The following FRAS1 variants were observed in gnomAD, a reference collection of about 807,000 sequenced individuals.
The protein encoded by FRAS1 is Fraser extracellular matrix complex subunit 1.
Under a neutral mutation model 435.2 loss-of-function variants are expected in FRAS1, and 290 were observed. The ratio of observed to expected loss-of-function variants is 0.67; its 90% confidence interval spans 0.61 to 0.73. FRAS1 has a LOEUF of 0.73. FRAS1 is among the 30% of genes least tolerant of loss of function. The pLI is 0.00. For synonymous variants in FRAS1, 1,800 were observed against 1,851.0 expected (o/e 0.97, Z 0.71); for missense variants, 4,860 against 5,001.5 (o/e 0.97, Z 0.85).
At chr4:78,204,575 C>T (rs1233901645) in intron 2 of FRAS1, among the ~76,000 whole-genome samples, 2 of 152,104 alleles carry the variant, frequency 1.3e-5, no homozygotes, top group Non-Finnish European at 2.9e-5. Flanking sequence ...TTTCAAGAAC[C>T]AATGTGAGTG....
At chr4:78,399,995 A>G (rs897257860) in intron 29 of FRAS1, among the ~76,000 whole-genome samples, 1 of 152,154 alleles carries the variant, frequency 6.6e-6, no homozygotes, top group Non-Finnish European at 1.5e-5. Flanking sequence ...TCCATAAGAC[A>G]GTGTCACTTT....
intron 13 of FRAS1, 87 bp downstream of exon 13, chr4:78,284,635 A>G (rs1021515025): frequency 2.4e-6 from 3 of 1,261,840 alleles, no homozygotes; most frequent in Non-Finnish European, 3.3e-6. Context: ...GAGGCTCAGT[A>G]TTGTCAAGGA....
chr4:78,164,843 A>T (rs10222693), intron 2 of FRAS1, among the ~76,000 whole-genome samples: 6,417 of 152,204 alleles, frequency 0.042, 224 homozygotes, highest in Admixed American at 0.081. Flanking sequence ...TCTTTCTCAA[A>T]ACTTCCATCT....
intron 5 of FRAS1, 88 bp downstream of exon 5, chr4:78,252,639 G>C: frequency 8.1e-7 from 1 of 1,241,712 alleles, no homozygotes; most frequent in Non-Finnish European, 1.1e-6. Flanking sequence ...TTTCAACATA[G>C]GTTCTTTCTA....
chr4:78,237,481 T>A (rs1187950725), intron 2 of FRAS1, 29 bp from the exon 3 acceptor site: 3 of 1,533,590 alleles, frequency 2.0e-6, no homozygotes, highest in Non-Finnish European at 1.8e-6. Context: ...CTGATCAGTT[T>A]TTAAATCAGA....
At position 78,264,857 on chromosome 4, in the gene FRAS1, G is replaced by C. The variant is rs1460961412; in HGVS notation, c.604-168G>C. On this transcript the variant is annotated intron_variant, in intron 6 of 73. Coordinates refer to ENST00000512123, the MANE Select transcript of FRAS1 (RefSeq NM_025074.7). ...TTAAGGGCACACTGACCTTGGAATTGTTCATTCTTATCAGAGTCCCAGGTG... is the reference window on the plus strand; with the variant it reads ...TTAAGGGCACACTGACCTTGGAATTCTTCATTCTTATCAGAGTCCCAGGTG... The C allele has an allele frequency of 5.8e-6, 4 of 691,638 alleles. No homozygotes were observed. In the East Asian group the frequency reaches 1.1e-4, roughly 19 times the overall value. 42.8% of individuals were successfully genotyped at this position (691,638 alleles called of 1,614,324 possible).
rs764554228 is a variant in FRAS1 at position 78,518,997 on chromosome 4, G to T, written c.10390-334G>T. ...TCCCACATCCACCGGGTTGATCCTTGAGAATAATTGTGATATTCTCAAATT... is the reference window on the plus strand; with the variant it reads ...TCCCACATCCACCGGGTTGATCCTTTAGAATAATTGTGATATTCTCAAATT... On this transcript the variant is annotated intron_variant, in intron 66 of 73. Transcript: ENST00000512123. Among the ~76,000 whole-genome samples, 17 of 152,266 alleles carry T rather than the reference G, an allele frequency of 1.1e-4. No homozygotes were observed. The Middle Eastern group carries it at 0.01, about 91-fold the overall frequency.
chr4:78,082,532 A>G (rs189640251), intron 2 of FRAS1, among the ~76,000 whole-genome samples: 172 of 152,218 alleles, frequency 1.1e-3, no homozygotes, highest in African/African-American at 3.7e-3. Context: ...TTGGAAATGC[A>G]TCTCTTAATG....
intron 2 of FRAS1, among the ~76,000 whole-genome samples, chr4:78,116,573 A>G (rs911405756): frequency 6.6e-6 from 1 of 152,032 alleles, no homozygotes; most frequent in Non-Finnish European, 1.5e-5. Flanking sequence ...TGATCCCTTT[A>G]CCATTACGTA....
rs1721980931 is a variant in FRAS1, at chr4:78,181,098, T to C, written c.109-56412T>C. The C allele has an allele frequency of 3.8e-6, 6 of 1,561,274 alleles. No homozygotes were observed. The Admixed American group carries it at 8.3e-5, about 22-fold the overall frequency. ...CATAACTGAATCCTCAGCATAAGCCTCTTCACTCTTTGATTTATGAAAACA... is the reference window on the plus strand; with the variant it reads ...CATAACTGAATCCTCAGCATAAGCCCCTTCACTCTTTGATTTATGAAAACA... On this transcript the variant is annotated intron_variant, in intron 2 of 73. Coordinates refer to ENST00000512123, the MANE Select transcript of FRAS1 (RefSeq NM_025074.7).
chr4:78,092,230 G>A (rs1461189393), intron 2 of FRAS1, among the ~76,000 whole-genome samples: 15 of 152,096 alleles, frequency 9.9e-5, no homozygotes, highest in Non-Finnish European at 5.9e-5. Flanking sequence ...TTTAAGCTAC[G>A]CACAACTCAG....
chr4:78,156,291 A>G (rs760772202), intron 2 of FRAS1, among the ~76,000 whole-genome samples: 21 of 152,082 alleles, frequency 1.4e-4, no homozygotes, highest in Non-Finnish European at 2.5e-4. Context: ...CCATATCTGA[A>G]CATGTGTGCT....
intron 19 of FRAS1, among the ~76,000 whole-genome samples, chr4:78,334,373 T>C (rs1208863561): frequency 2.0e-5 from 2 of 100,384 alleles, no homozygotes; most frequent in Non-Finnish European, 2.2e-5. Flanking sequence ...CTTTTTTTTT[T>C]TTTTTTTTTT....
chr4:78,481,766 A>C (rs1720016843), intron 56 of FRAS1, 38 bp from the exon 57 acceptor site: 6 of 1,611,790 alleles, frequency 3.7e-6, no homozygotes, highest in Non-Finnish European at 5.1e-6. Flanking sequence ...TTTCTGGCTC[A>C]AAGTTGACCA....
chr4:78,453,638 T>A (rs966503199), intron 47 of FRAS1, among the ~76,000 whole-genome samples: 4 of 152,092 alleles, frequency 2.6e-5, no homozygotes, highest in African/African-American at 4.8e-5. Context: ...CCGTTTATTT[T>A]CTTTTCTTTT....
At chr4:78,058,464 TA>T (rs1041783381) in intron 1 of FRAS1, among the ~76,000 whole-genome samples, 3 of 152,108 alleles carry the variant, frequency 2.0e-5, no homozygotes, top group African/African-American at 7.2e-5. Context: ...CTTACCTGTT[TA>T]AAAATACTTC....
chr4:78,154,900 C>T (rs1472294059), intron 2 of FRAS1, among the ~76,000 whole-genome samples: 1 of 152,164 alleles, frequency 6.6e-6, no homozygotes, highest in Non-Finnish European at 1.5e-5. Context: ...TGGACCTTCT[C>T]CACTCTGTGG....
At position 78,450,280 on chromosome 4, in the gene FRAS1, T is replaced by C. The variant is rs1294603563; in HGVS notation, c.6404T>C (p.Leu2135Pro). Reference sequence around the variant, plus strand: ...CTGCAGATGATGAAGCATGGCAACCTGGAGCAAATTTCTATTAAAGGCCCC... The same window carrying C: ...CTGCAGATGATGAAGCATGGCAACCCGGAGCAAATTTCTATTAAAGGCCCC... ...GRLQMMKHGNLEQISIKGPIR... is the reference protein window; with the variant it reads ...GRLQMMKHGNPEQISIKGPIR... The change falls in exon 45 of 74, where the codon CTG (leucine) becomes CCG (proline). Residue 2135 changes from leucine (L) to proline (P), a missense_variant. Coordinates refer to ENST00000512123, the MANE Select transcript of FRAS1 (RefSeq NM_025074.7). 6.2e-7 allele frequency: 1 copy of C among 1,613,910 alleles called. No individual in the cohort carries two copies. The highest frequency in any genetic ancestry group is 2.2e-5 in the East Asian group (1 of 44,880).
At chr4:78,116,609 T>C (rs898624960) in intron 2 of FRAS1, among the ~76,000 whole-genome samples, 31 of 152,326 alleles carry the variant, frequency 2.0e-4, no homozygotes, top group African/African-American at 7.2e-4. Context: ...TCTTTTGATC[T>C]TTCTTGGTTT....
Sources: allele counts gnomAD v4.1 joint callset (sites outside exome capture counted in the v4.1 genomes callset), GRCh38; gene constraint gnomAD v4.1.1; transcripts MANE v1.5; gene names NCBI Gene and HGNC (gene_info 2026-07-23, HGNC 2026-07-21).